The following LZTFL1 variants were observed in gnomAD, a reference collection of about 807,000 sequenced individuals.
LZTFL1 encodes the protein leucine zipper transcription factor like 1, also known as leucine zipper transcription factor-like protein 1.
LZTFL1 carries 25 observed loss-of-function variants against 45.9 expected under a neutral mutation model. The observed-to-expected ratio is 0.54, with a 90% CI of 0.40 to 0.76. The LOEUF is 0.76. LZTFL1 is among the 30% of genes least tolerant of loss of function. The pLI is 0.00. For missense variants in LZTFL1, 277 were observed against 331.1 expected (o/e 0.84, Z 1.27); for synonymous variants, 93 against 117.4 (o/e 0.79, Z 1.35).
rs1700617217 is a variant in LZTFL1, at chr3:45,824,568, A to G, written c.*1746T>C. On this transcript the variant is annotated 3_prime_UTR_variant, in exon 10 of 10. Transcript: ENST00000296135. The stretch of plus-strand genomic sequence containing the variant: ...AACGTACTGTACAGAATATTTCAAA[A>G]CTGCTACCAAGAAAACAAGTACAAA... 1 of 360,712 alleles carries G rather than the reference A, an allele frequency of 2.8e-6. No individual in the cohort carries two copies. Among genetic ancestry groups the G allele is most frequent in the Non-Finnish European group, 4.9e-6 (1 of 203,066 alleles). The allele number at this position is 360,712 out of a possible 1,614,324, so 22.3% of individuals were successfully genotyped here.
chr3:45,908,257 G>A (rs2125770959), intron 2 of LZTFL1, among the ~76,000 whole-genome samples: 1 of 152,294 alleles, frequency 6.6e-6, no homozygotes. Flanking sequence ...GGCTTGCTCT[G>A]GAAACCCTAA....
rs1701008617 is a variant in LZTFL1 at position 45,837,987 on chromosome 3, G to A, written c.68C>T (p.Ser23Leu). The change falls in exon 2 of 10, where the codon TCA becomes TTA. Residue 23 changes from serine (S) to leucine (L), a missense_variant. Physicochemically the swap from Ser to Leu is moderately radical, Grantham distance 145 (BLOSUM62 -2). Transcript: ENST00000296135. ...EVINYMRFAR[S>L]KRGLRLKTVD... Reference sequence around the variant, plus strand: ...AGTTTTGAGTCTCAAGCCTCTCTTTGAACGAGCAAAACGCATATAATTAAT... The same window carrying A: ...AGTTTTGAGTCTCAAGCCTCTCTTTAAACGAGCAAAACGCATATAATTAAT... 1.2e-6 allele frequency: 2 copies of A among 1,613,668 alleles called. No individual in the cohort carries two copies. Among genetic ancestry groups the A allele is most frequent in the Non-Finnish European group, 1.7e-6 (2 of 1,179,904 alleles).
chr3:45,861,246 G>A (rs1021299814), intron 2 of LZTFL1, among the ~76,000 whole-genome samples: 29 of 149,372 alleles, frequency 1.9e-4, no homozygotes, highest in Admixed American at 1.7e-3. Context: ...CTCCCTTCCA[G>A]ATCAAAACTT....
chr3:45,890,335 A>ATATAT (rs1553616543), intron 2 of LZTFL1, among the ~76,000 whole-genome samples: 1 of 61,728 alleles, frequency 1.6e-5, no homozygotes, highest in Non-Finnish European at 2.6e-5. Context: ...ATATATATAT[A>ATATAT]ACATATATAT....
intron 2 of LZTFL1, among the ~76,000 whole-genome samples, chr3:45,881,262 C>T (rs1431959119): frequency 6.6e-6 from 1 of 152,226 alleles, no homozygotes; most frequent in Non-Finnish European, 1.5e-5. Flanking sequence ...GACACCTTCA[C>T]TTCAACACCT....
intron 2 of LZTFL1, among the ~76,000 whole-genome samples, chr3:45,906,935 C>T (rs1262902069): frequency 6.6e-6 from 1 of 152,184 alleles, no homozygotes; most frequent in African/African-American, 2.4e-5. Context: ...AATAAATTTC[C>T]TGGGCCTGGT....
intron 2 of LZTFL1, among the ~76,000 whole-genome samples, chr3:45,906,055 A>C (rs1027157519): frequency 6.6e-6 from 1 of 152,166 alleles, no homozygotes; most frequent in Non-Finnish European, 1.5e-5. Flanking sequence ...CCCAAACTCC[A>C]GCTCAGTACC....
chr3:45,891,416 T>G (rs1161056081), intron 2 of LZTFL1, among the ~76,000 whole-genome samples: 1 of 152,240 alleles, frequency 6.6e-6, no homozygotes, highest in Non-Finnish European at 1.5e-5. Context: ...TTTGTCCTAC[T>G]GGCTTTATTA....
rs183190733 is a variant in LZTFL1 at position 45,906,675 on chromosome 3, C to T, written c.-215+6445G>A. Among the ~76,000 whole-genome samples the T allele has an allele frequency of 1.3e-4, 20 of 152,340 alleles. No individual in the cohort carries two copies. The East Asian group carries it at 2.7e-3, about 21-fold the overall frequency. On this transcript the variant is annotated intron_variant, in intron 2 of 4. Transcript: ENST00000472635. ...GACAATGGTGTCATCTTCACAGAATCGAGAAGGTTCCTAGCTGCTACCTCT... is the reference window on the plus strand; with the variant it reads ...GACAATGGTGTCATCTTCACAGAATTGAGAAGGTTCCTAGCTGCTACCTCT...
intron 2 of LZTFL1, among the ~76,000 whole-genome samples, chr3:45,866,641 A>G (rs1322318764): frequency 6.6e-6 from 1 of 152,210 alleles, no homozygotes; most frequent in Non-Finnish European, 1.5e-5. Context: ...TTGAAAACAT[A>G]CCATGGCTTC....
intron 2 of LZTFL1, among the ~76,000 whole-genome samples, chr3:45,860,211 C>CAAAT (rs917938403): frequency 9.2e-5 from 14 of 151,648 alleles, no homozygotes; most frequent in African/African-American, 7.3e-5. Flanking sequence ...GACACTGTCT[C>CAAAT]AAATAAATAA....
At chr3:45,873,811 C>T (rs1000587285) in intron 2 of LZTFL1, among the ~76,000 whole-genome samples, 2 of 152,132 alleles carry the variant, frequency 1.3e-5, no homozygotes, top group Admixed American at 6.5e-5. Flanking sequence ...TCTAGGATAC[C>T]GTCTCCTCCC....
At chr3:45,832,524 G>C (rs1024929120) in intron 5 of LZTFL1, 1 of 151,970 alleles carries the variant, frequency 6.6e-6, no homozygotes, top group African/African-American at 2.4e-5. Context: ...AACACTTCTA[G>C]TCCCAAGGAT....
intron 2 of LZTFL1, among the ~76,000 whole-genome samples, chr3:45,887,334 A>T (rs965741342): frequency 2.0e-5 from 3 of 152,144 alleles, no homozygotes; most frequent in African/African-American, 7.2e-5. Flanking sequence ...AACAATGGCT[A>T]AACTAGGAAA....
At chr3:45,906,561 T>C (rs1702681766) in intron 2 of LZTFL1, among the ~76,000 whole-genome samples, 1 of 152,210 alleles carries the variant, frequency 6.6e-6, no homozygotes, top group South Asian at 2.1e-4. Context: ...ACTGACCATG[T>C]CATGCAAATG....
At chr3:45,893,595 A>C (rs1702258998) in intron 2 of LZTFL1, among the ~76,000 whole-genome samples, 1 of 152,176 alleles carries the variant, frequency 6.6e-6, no homozygotes, top group Admixed American at 6.5e-5. Flanking sequence ...ACTTGGCATA[A>C]TTGTTTGGAG....
intron 2 of LZTFL1, among the ~76,000 whole-genome samples, chr3:45,873,636 G>A (rs999468037): frequency 6.6e-6 from 1 of 151,886 alleles, no homozygotes; most frequent in African/African-American, 2.4e-5. Context: ...TAATAATTCT[G>A]TTTCCCCTCT....
intron 2 of LZTFL1, among the ~76,000 whole-genome samples, chr3:45,889,233 C>T (rs1702071744): frequency 6.6e-6 from 1 of 152,204 alleles, no homozygotes; most frequent in African/African-American, 2.4e-5. Context: ...GATGCTCCCA[C>T]CTCAGCCTCC....
chr3:45,894,898 T>C, intron 2 of LZTFL1: 5 of 1,610,722 alleles, frequency 3.1e-6, no homozygotes, highest in Non-Finnish European at 4.2e-6. Context: ...TTTTTGTCCC[T>C]TTTCCAGGAG....
Sources: allele counts gnomAD v4.1 joint callset (sites outside exome capture counted in the v4.1 genomes callset), GRCh38; gene constraint gnomAD v4.1.1; transcripts MANE v1.5; gene names NCBI Gene and HGNC (gene_info 2026-07-23, HGNC 2026-07-21).